Variants in SYNE1 observed in about 807,000 individuals in gnomAD.
SYNE1 encodes the protein nesprin-1.
SYNE1 carries 616 observed loss-of-function variants against 1,111.0 expected under a neutral mutation model. That is an observed-to-expected ratio of 0.55 (90% CI 0.52 to 0.59). The LOEUF (loss-of-function observed/expected upper bound fraction) is 0.59. SYNE1 is among the 20% of genes least tolerant of loss of function. The pLI is 0.00. For missense variants in SYNE1, 10,006 were observed against 10,417.0 expected (o/e 0.96, Z 1.72); for synonymous variants, 3,855 against 3,825.8 (o/e 1.01, Z -0.28).
At position 152,231,689 on chromosome 6, in the gene SYNE1, C is replaced by T. The variant is rs192464086; in HGVS notation, c.20863-122G>A. 240 of 1,025,274 alleles carry T rather than the reference C, an allele frequency of 2.3e-4. 2 individuals carry two copies. The East Asian group carries it at 5.8e-3, about 25-fold the overall frequency. 63.5% of individuals were successfully genotyped at this position (1,025,274 alleles called of 1,614,324 possible). A position where few individuals can be genotyped will look rare whatever the true frequency, so the allele number is the denominator to read the frequency against. ...CACTTCCATAACTCAGCTGAAATGG[C>T]ACAATTTGTCTGTGTTCACACAACC... On this transcript the variant is annotated intron_variant, in intron 113 of 145. Transcript: ENST00000367255.
chr6:152,518,455 C>A (rs976484774), intron 6 of SYNE1, among the ~76,000 whole-genome samples: 1 of 151,900 alleles, frequency 6.6e-6, no homozygotes. Context: ...CTCTCTTGCT[C>A]CTGCTCTGGC....
intron 3 of SYNE1, among the ~76,000 whole-genome samples, chr6:152,604,564 G>A (rs566629772): frequency 1.5e-4 from 23 of 152,146 alleles, no homozygotes; most frequent in African/African-American, 4.3e-4. Context: ...CTGGCCTCCC[G>A]AAGTGCTAGA....
chr6:152,209,971 T>TAACC (rs1158652774), intron 124 of SYNE1, among the ~76,000 whole-genome samples: 5 of 152,132 alleles, frequency 3.3e-5, no homozygotes, highest in African/African-American at 1.2e-4. Context: ...CCCTACCAGG[T>TAACC]AACCATCCAA....
At chr6:152,493,685 C>T (rs1057092739) in intron 11 of SYNE1, among the ~76,000 whole-genome samples, 2 of 152,150 alleles carry the variant, frequency 1.3e-5, no homozygotes, top group African/African-American at 4.8e-5. Context: ...AAATTTCTTC[C>T]TCATCCATTA....
chr6:152,472,596 C>T (rs1162956408), intron 14 of SYNE1, 183 bp from the exon 15 acceptor site: 2 of 705,766 alleles, frequency 2.8e-6, no homozygotes, highest in Non-Finnish European at 5.2e-6. Context: ...GGTGCTTGTA[C>T]TTAAAACACT....
chr6:152,426,990 T>C (rs1011809000), intron 38 of SYNE1, among the ~76,000 whole-genome samples: 2 of 152,370 alleles, frequency 1.3e-5, no homozygotes, highest in South Asian at 2.1e-4. Flanking sequence ...AAATCTGTAA[T>C]ACAATAAATC....
chr6:152,217,737 G>A (rs1047423823), intron 121 of SYNE1, among the ~76,000 whole-genome samples: 12 of 152,064 alleles, frequency 7.9e-5, no homozygotes, highest in African/African-American at 2.2e-4. Flanking sequence ...GGGACCAGCC[G>A]TGGAAAGGAG....
intron 3 of SYNE1, among the ~76,000 whole-genome samples, chr6:152,584,923 A>G (rs1582934283): frequency 6.6e-6 from 1 of 152,308 alleles, no homozygotes; most frequent in African/African-American, 2.4e-5. Context: ...AGAGTTCCTT[A>G]TAGGGAAACA....
intron 128 of SYNE1, among the ~76,000 whole-genome samples, chr6:152,180,540 G>C (rs529442439): frequency 6.6e-6 from 1 of 151,910 alleles, no homozygotes; most frequent in East Asian, 1.9e-4. Context: ...TCACACAATT[G>C]GTTCAGGATA....
At chr6:152,168,258 G>T in intron 130 of SYNE1, 1 of 668,040 alleles carries the variant, frequency 1.5e-6, no homozygotes. Flanking sequence ...TATATCCTGC[G>T]TGGGGATGAA....
chr6:152,369,697 C>T lies in SYNE1; in HGVS notation c.9508-83G>A, dbSNP rs545180194. On this transcript the variant is annotated intron_variant, in intron 59 of 145. Coordinates refer to ENST00000367255, the MANE Select transcript of SYNE1 (RefSeq NM_182961.4). ...TCCTTCACTTGGCATTCAAAGTCCA[C>T]CCAGGCTGGGCACAGTGGCTCACGC... 19 of 1,544,100 alleles carry T rather than the reference C, an allele frequency of 1.2e-5. No individual in the cohort carries two copies. In the Admixed American group the frequency reaches 2.2e-4, roughly 18 times the overall value.
In SYNE1 at chr6:152,141,122, C is replaced by T. The variant is rs912739201; in HGVS notation, c.25246+81G>A. ...AACGGTGTAGAAGAAGGCCAAGCCC[C>T]CTAAGTGGAATTTCGCTGTTAACAA... On this transcript the variant is annotated intron_variant, in intron 139 of 145. Transcript: ENST00000367255. The T allele has an allele frequency of 9.4e-6, 15 of 1,596,542 alleles. No homozygotes were observed. In the African/African-American group the frequency reaches 1.7e-4, roughly 19 times the overall value.
chr6:152,591,834 A>G (rs2099567857), intron 3 of SYNE1, among the ~76,000 whole-genome samples: 2 of 151,320 alleles, frequency 1.3e-5, no homozygotes, highest in South Asian at 2.1e-4. Flanking sequence ...AAAATAAACA[A>G]AAAACCCCAT....
At chr6:152,492,475 G>A (rs766388609) in intron 11 of SYNE1, among the ~76,000 whole-genome samples, 2 of 152,168 alleles carry the variant, frequency 1.3e-5, no homozygotes, top group Non-Finnish European at 2.9e-5. Flanking sequence ...TCTCCCCCAG[G>A]ATCTTGCTTC....
intron 3 of SYNE1, among the ~76,000 whole-genome samples, chr6:152,608,165 AAAAT>A (rs1001585146): frequency 1.1e-4 from 17 of 148,868 alleles, no homozygotes; most frequent in African/African-American, 3.7e-4. Flanking sequence ...TAAATAAATA[AAAAT>A]AAATAAATAA....
intron 25 of SYNE1, among the ~76,000 whole-genome samples, chr6:152,452,734 T>C (rs954412524): frequency 2.0e-5 from 3 of 152,218 alleles, no homozygotes; most frequent in African/African-American, 7.2e-5. Flanking sequence ...GTGCTGCAGC[T>C]ACTTCCAGAA....
intron 36 of SYNE1, among the ~76,000 whole-genome samples, chr6:152,429,297 G>C (rs1340293057): frequency 6.6e-6 from 1 of 152,046 alleles, no homozygotes; most frequent in Non-Finnish European, 1.5e-5. Context: ...CGGAAAAGTA[G>C]AATATTAGCC....
At chr6:152,365,698 A>T (rs895050600) in intron 62 of SYNE1, among the ~76,000 whole-genome samples, 3 of 151,840 alleles carry the variant, frequency 2.0e-5, no homozygotes, top group Non-Finnish European at 4.4e-5. Context: ...AGGCTCAAGC[A>T]ATCCTCCCAC....
chr6:152,191,295 T>A lies in SYNE1; in HGVS notation c.23146-1888A>T, dbSNP rs575501646. ...TGTTAGCAGGGTAATAGTAGCCTTG[T>A]AGAATGAGTTTGGAAGTATTCCCTC... On this transcript the variant is annotated intron_variant, in intron 127 of 145. Transcript: ENST00000367255. 7.2e-5 allele frequency among the ~76,000 whole-genome samples: 11 copies of A among 151,908 alleles called. No individual in the cohort carries two copies. The East Asian group carries it at 2.1e-3, about 29-fold the overall frequency.
Sources: allele counts gnomAD v4.1 joint callset (sites outside exome capture counted in the v4.1 genomes callset), GRCh38; gene constraint gnomAD v4.1.1; transcripts MANE v1.5; gene names NCBI Gene and HGNC (gene_info 2026-07-23, HGNC 2026-07-21).